UBR3: variants seen among roughly 807,000 people sequenced by gnomAD.
UBR3 encodes the protein E3 ubiquitin-protein ligase UBR3.
UBR3 carries 85 observed loss-of-function variants against 243.2 expected under a neutral mutation model. The observed-to-expected ratio is 0.35, with a 90% CI of 0.29 to 0.42. The LOEUF (loss-of-function observed/expected upper bound fraction) is 0.42. Ranked by LOEUF, UBR3 falls within the 10% of genes least tolerant of loss-of-function variation. UBR3 has a pLI of 1.00. For synonymous variants in UBR3, 748 were observed against 799.8 expected (o/e 0.94, Z 1.09); for missense variants, 1,686 against 2,300.8 (o/e 0.73, Z 5.47).
intron 5 of UBR3, among the ~76,000 whole-genome samples, chr2:169,880,906 C>A (rs998098978): frequency 9.2e-5 from 14 of 152,082 alleles, no homozygotes; most frequent in Non-Finnish European, 1.6e-4. Context: ...ATTATGGCCT[C>A]CTGCTCCATC....
At chr2:170,010,624 AT>A (rs1559183972) in intron 29 of UBR3, among the ~76,000 whole-genome samples, 1 of 152,146 alleles carries the variant, frequency 6.6e-6, no homozygotes, top group Non-Finnish European at 1.5e-5. Flanking sequence ...TGGTTTCTCT[AT>A]TTTTTAGAGA....
chr2:169,880,639 G>A (rs1379244455), intron 5 of UBR3, among the ~76,000 whole-genome samples: 4 of 152,096 alleles, frequency 2.6e-5, no homozygotes, highest in Admixed American at 6.6e-5. Flanking sequence ...TGTGTATTGA[G>A]GGGCTTTTGA....
intron 30 of UBR3, among the ~76,000 whole-genome samples, chr2:170,024,245 T>TG (rs944776813): frequency 3.8e-4 from 55 of 145,530 alleles, no homozygotes; most frequent in African/African-American, 1.3e-3. Flanking sequence ...TCCCAGCTAC[T>TG]GGGGAGGCTG....
At chr2:169,975,925 C>A (rs1574323065) in intron 24 of UBR3, among the ~76,000 whole-genome samples, 1 of 151,602 alleles carries the variant, frequency 6.6e-6, no homozygotes, top group Non-Finnish European at 1.5e-5. Context: ...TTGAACTGAT[C>A]TCTTTATCAT....
intron 36 of UBR3, chr2:170,077,177 T>G (rs2091827775): frequency 1.6e-6 from 1 of 635,052 alleles, no homozygotes; most frequent in Non-Finnish European, 3.0e-6. Context: ...TAATGGCAGT[T>G]TTTTCAGTTG....
intron 24 of UBR3, among the ~76,000 whole-genome samples, chr2:169,967,884 T>C (rs2087898873): frequency 6.6e-6 from 1 of 151,460 alleles, no homozygotes; most frequent in African/African-American, 2.4e-5. Flanking sequence ...TAAATATATA[T>C]AATTATGTAT....
chr2:170,077,227 G>C, intron 36 of UBR3: 1 of 717,622 alleles, frequency 1.4e-6, no homozygotes, highest in South Asian at 1.4e-5. Flanking sequence ...AGTGCTGTCA[G>C]ACCAGTAAGA....
At chr2:169,863,129 A>G (rs1411728671) in intron 1 of UBR3, among the ~76,000 whole-genome samples, 2 of 152,116 alleles carry the variant, frequency 1.3e-5, no homozygotes, top group Non-Finnish European at 2.9e-5. Context: ...AATATCAGTA[A>G]CTTGCAAATA....
At chr2:170,069,096 TAAAG>T (rs1318837413) in intron 35 of UBR3, among the ~76,000 whole-genome samples, 2 of 151,912 alleles carry the variant, frequency 1.3e-5, no homozygotes, top group East Asian at 1.9e-4. Context: ...TTTCAGAAAA[TAAAG>T]GAAGAAGGAA....
intron 30 of UBR3, among the ~76,000 whole-genome samples, chr2:170,027,796 T>C (rs1210715841): frequency 6.6e-6 from 1 of 151,926 alleles, no homozygotes; most frequent in Non-Finnish European, 1.5e-5. Context: ...TATAATTGAA[T>C]TGAAATAAAA....
chr2:169,950,515 A>G (rs1034806381), intron 23 of UBR3, among the ~76,000 whole-genome samples: 4 of 152,074 alleles, frequency 2.6e-5, no homozygotes, highest in African/African-American at 9.7e-5. Flanking sequence ...GTTTTAAAAC[A>G]CATTCTGACT....
rs1260576525 is a variant in UBR3, at chr2:170,083,982, G to A, written c.*2139G>A. 1 of 152,492 alleles carries A rather than the reference G, an allele frequency of 6.6e-6. No homozygotes were observed. The highest frequency in any genetic ancestry group is 1.9e-4 in the East Asian group (1 of 5,196). The allele number at this position is 152,492 out of a possible 1,614,324, so 9.4% of individuals were successfully genotyped here. A position where few individuals can be genotyped will look rare whatever the true frequency, so the allele number is the denominator to read the frequency against. ...AAAAAATGTACTGGTGTGATATCTT[G>A]TATGAATGATCATTTAAATACAGTA... is the stretch of plus-strand genomic sequence containing the variant. On this transcript the variant is annotated 3_prime_UTR_variant, in exon 39 of 39. Coordinates refer to ENST00000272793, the MANE Select transcript of UBR3 (RefSeq NM_172070.4).
chr2:169,905,912 T>A (rs1309581451), intron 9 of UBR3, 119 bp from the exon 10 acceptor site: 20 of 1,085,814 alleles, frequency 1.8e-5, no homozygotes, highest in Non-Finnish European at 2.5e-5. Context: ...CTATATGTAC[T>A]GTGTCAGTAA....
At chr2:170,033,089 C>T (rs1450175603) in intron 31 of UBR3, among the ~76,000 whole-genome samples, 3 of 151,952 alleles carry the variant, frequency 2.0e-5, no homozygotes, top group Non-Finnish European at 4.4e-5. Context: ...ACAGAGTATT[C>T]GAACACACAG....
chr2:169,921,031 A>G lies in UBR3; in HGVS notation c.1867-2898A>G, dbSNP rs561394845. 3.3e-5 allele frequency among the ~76,000 whole-genome samples: 5 copies of G among 152,306 alleles called. No individual in the cohort carries two copies. The East Asian group carries it at 9.6e-4, about 29-fold the overall frequency. ...AGGTGCAGTGTAGACAGAAAGAAGA[A>G]AGTGGATTTAAGAGATACTTAAAAA... On this transcript the variant is annotated intron_variant, in intron 11 of 38. Coordinates refer to ENST00000272793, the MANE Select transcript of UBR3 (RefSeq NM_172070.4).
At chr2:170,003,346 G>A (rs567579182) in intron 27 of UBR3, among the ~76,000 whole-genome samples, 2 of 152,216 alleles carry the variant, frequency 1.3e-5, no homozygotes, top group South Asian at 4.1e-4. Context: ...TGGCATTCAG[G>A]TACTCCAGGA....
At chr2:169,846,195 C>A (rs2082472723) in intron 1 of UBR3, among the ~76,000 whole-genome samples, 1 of 152,074 alleles carries the variant, frequency 6.6e-6, no homozygotes, top group Non-Finnish European at 1.5e-5. Flanking sequence ...TCTCTATTTC[C>A]TTGAAGTTGT....
chr2:170,040,184 G>C (rs547125025), intron 31 of UBR3, among the ~76,000 whole-genome samples: 1 of 151,938 alleles, frequency 6.6e-6, no homozygotes, highest in Admixed American at 6.6e-5. Context: ...TTTCACCCAG[G>C]CTGGAGTGCA....
In UBR3 at chr2:170,024,253, C is replaced by T. The variant is rs570020409; in HGVS notation, c.4454-5093C>T. On this transcript the variant is annotated intron_variant, in intron 30 of 38. Transcript: ENST00000272793. ...CCTGTAATCCCAGCTACTGGGGAGG[C>T]TGAGGCAGGAGAATTGCTTGAATCC... Among the ~76,000 whole-genome samples, 16 of 146,606 alleles carry T rather than the reference C, an allele frequency of 1.1e-4. No individual in the cohort carries two copies. In the South Asian group the frequency reaches 3.5e-3, roughly 32 times the overall value.
Sources: gnomAD v4.1 joint callset for allele counts (sites outside exome capture counted in the v4.1 genomes callset) on GRCh38, gnomAD v4.1.1 for gene constraint, MANE v1.5 for transcripts, NCBI Gene and HGNC (gene_info 2026-07-23, HGNC 2026-07-21) for gene names.